ODF2L: variants seen among roughly 807,000 people sequenced by gnomAD.
ODF2L encodes outer dense fiber of sperm tails 2 like.
Under a neutral mutation model 86.3 loss-of-function variants are expected in ODF2L, and 76 were observed. The ratio of observed to expected loss-of-function variants is 0.88; its 90% CI spans 0.73 to 1.07. ODF2L has a LOEUF of 1.07. Ranked by LOEUF, ODF2L falls within the 50% of genes least tolerant of loss-of-function variation. The pLI, the probability that ODF2L is intolerant of heterozygous loss-of-function variation, is 0.00. For synonymous variants in ODF2L, 241 were observed against 231.3 expected, an observed-to-expected ratio of 1.04 and a Z score of -0.38; for missense variants, 748 against 717.4, an observed-to-expected ratio of 1.04 and a Z score of -0.49.
exon 10 of ODF2L, chr1:86,371,026 T>C (rs1343705555): frequency 1.3e-6 from 2 of 1,568,364 alleles, no homozygotes; most frequent in Non-Finnish European, 8.6e-7. Context: ...ACCTTTAATT[T>C]TGTATTCTCA....
chr1:86,356,528 C>A (rs1028015242), exon 14 of ODF2L: 16 of 1,614,090 alleles, frequency 9.9e-6, no homozygotes, highest in Non-Finnish European at 1.1e-5. Context: ...ACTCGTGAAG[C>A]CTCCGTTCCG....
At chr1:86,357,848 A>G in intron 13 of ODF2L, 2 of 985,394 alleles carry the variant, frequency 2.0e-6, no homozygotes, top group Non-Finnish European at 2.4e-6. Flanking sequence ...TCATTTGAAC[A>G]GGATTGTAAA....
chr1:86,352,876 C>A lies in ODF2L; in HGVS notation c.1876G>T (p.Val626Phe), dbSNP rs539644515. The A allele has an allele frequency of 2.3e-5, 35 of 1,540,038 alleles. No individual in the cohort carries two copies. The South Asian group carries it at 3.6e-4, about 16-fold the overall frequency. Residue 626 changes from valine to phenylalanine, a missense_variant, in exon 17 of 18, where the codon GTT becomes TTT. Transcript: ENST00000317336. ...ATACTTACACTGTTCATTTTGCAAA[C>A]AAGTTGATTTTGTTCTTCATTTTTC... is the stretch of plus-strand genomic sequence containing the variant.
chr1:86,375,049 T>C (rs1233142986), intron 8 of ODF2L: 1 of 152,100 alleles, frequency 6.6e-6, no homozygotes, highest in East Asian at 1.9e-4. Flanking sequence ...AGTTTCAGAT[T>C]ATAGTGAATG....
chr1:86,375,607 C>A (rs1027187916), intron 8 of ODF2L, among the ~76,000 whole-genome samples: 10 of 152,010 alleles, frequency 6.6e-5, no homozygotes, highest in Admixed American at 2.0e-4. Context: ...AGCACTAAGG[C>A]CATTTTCAAA....
intron 1 of ODF2L, among the ~76,000 whole-genome samples, chr1:86,389,252 G>C (rs1661149563): frequency 6.6e-6 from 1 of 152,150 alleles, no homozygotes; most frequent in African/African-American, 2.4e-5. Context: ...TGTACAACTT[G>C]TCAGTGTTGG....
chr1:86,390,421 GAA>G (rs58388853), intron 1 of ODF2L, among the ~76,000 whole-genome samples: 1 of 150,088 alleles, frequency 6.7e-6, no homozygotes, highest in African/African-American at 2.5e-5. Context: ...TCCGTCTCAA[GAA>G]AAAAAAAATT....
At chr1:86,381,550 C>T (rs1660589958) in intron 7 of ODF2L, among the ~76,000 whole-genome samples, 1 of 151,936 alleles carries the variant, frequency 6.6e-6, no homozygotes. Context: ...AAGTCCTCAA[C>T]ACTCAATGGA....
chr1:86,352,326 G>C, intron 17 of ODF2L: 1 of 1,196,200 alleles, frequency 8.4e-7, no homozygotes, highest in Admixed American at 3.8e-5. Flanking sequence ...ACTGTTTCAT[G>C]AGTATTCAGG....
chr1:86,378,788 G>C lies in ODF2L; in HGVS notation c.625-2370C>G, dbSNP rs148714265. On this transcript the variant is annotated intron_variant, in intron 7 of 17. Coordinates refer to ENST00000317336, the Ensembl canonical transcript of ODF2L. ...TCACCTCCCACCAGGTCTCTCCCTA[G>C]ACAGATGGGGATTCTGAAGATTACA... Among the ~76,000 whole-genome samples the C allele has an allele frequency of 5.7e-3, 867 of 152,124 alleles. 9 individuals carry two copies. The highest frequency in any genetic ancestry group is 0.019 in the African/African-American group (806 of 41,512).
intron 13 of ODF2L, chr1:86,357,900 A>C (rs1369912633): frequency 1.0e-6 from 1 of 984,986 alleles, no homozygotes. Flanking sequence ...AAAAGGAGAC[A>C]TTTGCACTGG....
intron 11 of ODF2L, among the ~76,000 whole-genome samples, chr1:86,364,523 C>T (rs1659263512): frequency 6.6e-6 from 1 of 152,182 alleles, no homozygotes; most frequent in South Asian, 2.1e-4. Context: ...TCATATTTGG[C>T]TACAGCTCAG....
intron 11 of ODF2L, among the ~76,000 whole-genome samples, chr1:86,366,998 G>A (rs988332814): frequency 2.0e-5 from 3 of 152,046 alleles, no homozygotes; most frequent in African/African-American, 7.2e-5. Context: ...AAAGTACTTA[G>A]CACAAAGGAC....
intron 1 of ODF2L, among the ~76,000 whole-genome samples, chr1:86,394,906 T>C (rs562901627): frequency 6.7e-6 from 1 of 148,188 alleles, no homozygotes; most frequent in Admixed American, 6.9e-5. Flanking sequence ...AGTGGCGCGA[T>C]CTCGGCTCAC....
intron 1 of ODF2L, among the ~76,000 whole-genome samples, chr1:86,390,400 C>T (rs1229806020): frequency 6.6e-6 from 1 of 151,158 alleles, no homozygotes; most frequent in African/African-American, 2.4e-5. Context: ...AGTCTGGCAA[C>T]AGAGTGAGAC....
At chr1:86,353,309 C>T (rs2100723062) in intron 16 of ODF2L, among the ~76,000 whole-genome samples, 1 of 152,172 alleles carries the variant, frequency 6.6e-6, no homozygotes, top group African/African-American at 2.4e-5. Flanking sequence ...TTTATATTCA[C>T]CAGGGTGTTA....
chr1:86,385,239 T>C (rs1043371217), intron 3 of ODF2L, among the ~76,000 whole-genome samples: 2 of 152,036 alleles, frequency 1.3e-5, no homozygotes, highest in African/African-American at 2.4e-5. Context: ...CCAAAATATA[T>C]TGTTTCTAGC....
chr1:86,358,772 A>G lies in ODF2L; in HGVS notation c.1359+15T>C. ...AAATATATAAAATATTATTTATTTG[A>G]AATTCCAAACGTACCTTCTCTACAT... On this transcript the variant is annotated intron_variant, in intron 13 of 17. Coordinates refer to ENST00000317336, the Ensembl canonical transcript of ODF2L. 1 of 1,028,338 alleles carries G rather than the reference A, an allele frequency of 9.7e-7. No homozygotes were observed. Among genetic ancestry groups the G allele is most frequent in the South Asian group, 1.6e-5 (1 of 60,744 alleles). The allele number at this position is 1,028,338 out of a possible 1,614,324, so 63.7% of individuals were successfully genotyped here. A position where few individuals can be genotyped will look rare whatever the true frequency, so the allele number is the denominator to read the frequency against.
chr1:86,368,460 GAATA>G (rs1353434637), intron 11 of ODF2L, among the ~76,000 whole-genome samples: 14 of 152,084 alleles, frequency 9.2e-5, no homozygotes, highest in Middle Eastern at 3.4e-3. Flanking sequence ...ACTATCAGAA[GAATA>G]AAAATAGAAA....
Sources: allele counts gnomAD v4.1 joint callset (sites outside exome capture counted in the v4.1 genomes callset), GRCh38; gene constraint gnomAD v4.1.1; transcripts MANE v1.5; gene names NCBI Gene and HGNC (gene_info 2026-07-23, HGNC 2026-07-21).